The following PDE10A variants were observed in gnomAD, a reference collection of about 807,000 sequenced individuals.
PDE10A encodes the protein cAMP and cAMP-inhibited cGMP 3',5'-cyclic phosphodiesterase 10A.
In PDE10A, 39 loss-of-function variants were observed where a neutral mutation model predicts 97.7. That is an observed-to-expected ratio of 0.40 (90% CI 0.31 to 0.52). The LOEUF is 0.52. Ranked by LOEUF, PDE10A falls within the 20% of genes least tolerant of loss-of-function variation. The pLI is 0.56. For missense variants in PDE10A, 731 were observed against 1,047.8 expected, an observed-to-expected ratio of 0.70 and a Z score of 4.17; for synonymous variants, 371 against 376.8, an observed-to-expected ratio of 0.98 and a Z score of 0.18.
chr6:165,701,741 GTGCATGTGTGTATGTT>G (rs1245075293), intron 1 of PDE10A, among the ~76,000 whole-genome samples: 19 of 152,072 alleles, frequency 1.2e-4, no homozygotes, highest in Admixed American at 2.6e-4. Context: ...GCATGTGTGT[GTGCATGTGTGTATGTT>G]TGCATGTGTG....
At chr6:165,543,858 T>C (rs985101295) in intron 1 of PDE10A, among the ~76,000 whole-genome samples, 1 of 149,314 alleles carries the variant, frequency 6.7e-6, no homozygotes, top group Non-Finnish European at 1.5e-5. Context: ...AAAAACACCA[T>C]TTTTCATATA....
At chr6:165,927,979 G>A (rs1189019808) in intron 1 of PDE10A, among the ~76,000 whole-genome samples, 2 of 150,772 alleles carry the variant, frequency 1.3e-5, no homozygotes, top group Admixed American at 6.6e-5. Flanking sequence ...TTACAGGCGT[G>A]AGCCACCACG....
chr6:165,912,731 C>G (rs992672918), intron 1 of PDE10A, among the ~76,000 whole-genome samples: 1 of 152,052 alleles, frequency 6.6e-6, no homozygotes, highest in Admixed American at 6.5e-5. Flanking sequence ...AAATAAGATG[C>G]CTTTAAATAG....
At chr6:165,527,541 C>T (rs965835903) in intron 2 of PDE10A, among the ~76,000 whole-genome samples, 6 of 152,184 alleles carry the variant, frequency 3.9e-5, no homozygotes, top group African/African-American at 1.4e-4. Flanking sequence ...TGAGAGACAG[C>T]TATTGGCCTG....
At chr6:165,610,964 A>T (rs1439505268) in intron 1 of PDE10A, among the ~76,000 whole-genome samples, 42 of 152,144 alleles carry the variant, frequency 2.8e-4, no homozygotes, top group Non-Finnish European at 7.4e-5. Context: ...TCTACCTTAA[A>T]AGCCTTCCAA....
rs368563780 is a variant in PDE10A at position 165,808,427 on chromosome 6, G to C, written c.-615+179102C>G. ...GCAGGAGGAGTGGTGGCCAGGGAGC[G>C]TGGTGACCTGGGACCAGCCCTAATT... On this transcript the variant is annotated intron_variant, in intron 1 of 19. Transcript: ENST00000366882. Among the ~76,000 whole-genome samples, 104 of 152,320 alleles carry C rather than the reference G, an allele frequency of 6.8e-4. 1 individual carries two copies. In the South Asian group the frequency reaches 0.021, roughly 30 times the overall value.
At chr6:165,586,878 GA>G (rs568867512) in intron 1 of PDE10A, among the ~76,000 whole-genome samples, 20 of 150,662 alleles carry the variant, frequency 1.3e-4, no homozygotes, top group East Asian at 7.7e-4. Flanking sequence ...TATTTGCCTT[GA>G]AAAAAAAATG....
At chr6:165,364,550 A>G (rs1200350858) in intron 18 of PDE10A, among the ~76,000 whole-genome samples, 1 of 152,204 alleles carries the variant, frequency 6.6e-6, no homozygotes, top group Non-Finnish European at 1.5e-5. Flanking sequence ...ATTGATTTCT[A>G]TGCCTGGGGT....
intron 1 of PDE10A, among the ~76,000 whole-genome samples, chr6:165,701,776 C>T (rs779586498): frequency 1.2e-4 from 18 of 147,000 alleles, no homozygotes; most frequent in South Asian, 2.2e-4. Flanking sequence ...TGTATGTTTG[C>T]GTGTGTGTGT....
intron 1 of PDE10A, among the ~76,000 whole-genome samples, chr6:165,690,586 G>T (rs1275149695): frequency 6.6e-6 from 1 of 152,116 alleles, no homozygotes; most frequent in Non-Finnish European, 1.5e-5. Flanking sequence ...CTTGATGATG[G>T]GTTGGTAGGA....
chr6:165,909,480 C>T (rs146423536), intron 1 of PDE10A, among the ~76,000 whole-genome samples: 56 of 152,310 alleles, frequency 3.7e-4, no homozygotes, highest in African/African-American at 1.0e-3. Context: ...CCTGGTTTTA[C>T]GCATATTATG....
chr6:165,782,828 T>G (rs1228056303), intron 1 of PDE10A, among the ~76,000 whole-genome samples: 1 of 152,162 alleles, frequency 6.6e-6, no homozygotes, highest in Non-Finnish European at 1.5e-5. Flanking sequence ...AGCAGGAAAT[T>G]GTACAATCAG....
At chr6:165,508,664 G>A (rs1156940679) in intron 2 of PDE10A, among the ~76,000 whole-genome samples, 1 of 151,892 alleles carries the variant, frequency 6.6e-6, no homozygotes. Flanking sequence ...CGTTTGAAAA[G>A]TCCAGGGCCT....
rs572987701 is a variant in PDE10A, at chr6:165,769,876, C to T, written c.-615+217653G>A. 2.1e-4 allele frequency among the ~76,000 whole-genome samples: 32 copies of T among 152,172 alleles called. No individual in the cohort carries two copies. The South Asian group carries it at 6.2e-3, about 30-fold the overall frequency. On this transcript the variant is annotated intron_variant, in intron 1 of 19. Transcript: ENST00000366882. ...TACAATACAAATAAAATAAATTATA[C>T]AATATAATATCTAAAGACTTGGAAG...
chr6:165,888,254 A>C (rs6929986), intron 1 of PDE10A, among the ~76,000 whole-genome samples: 37,956 of 150,686 alleles, frequency 0.25, 5,608 homozygotes, highest in African/African-American at 0.41. Flanking sequence ...TTACCTTCCA[A>C]TCTTCCATTT....
At chr6:165,737,332 T>C (rs1259432447) in intron 1 of PDE10A, among the ~76,000 whole-genome samples, 1 of 152,152 alleles carries the variant, frequency 6.6e-6, no homozygotes, top group Admixed American at 6.6e-5. Flanking sequence ...ACAAGGATAC[T>C]ACAAGAAAAG....
At chr6:165,542,233 AC>A (rs1192811613) in intron 2 of PDE10A, among the ~76,000 whole-genome samples, 1 of 152,216 alleles carries the variant, frequency 6.6e-6, no homozygotes, top group African/African-American at 2.4e-5. Context: ...CACAATAAAA[AC>A]AATATTCACA....
chr6:165,970,808 G>T (rs912817506), intron 1 of PDE10A, among the ~76,000 whole-genome samples: 1 of 152,108 alleles, frequency 6.6e-6, no homozygotes, highest in African/African-American at 2.4e-5. Context: ...ATTGGAGAAA[G>T]TATTATCAGA....
chr6:165,963,776 G>A (rs985346904), intron 1 of PDE10A, among the ~76,000 whole-genome samples: 44 of 152,266 alleles, frequency 2.9e-4, no homozygotes, highest in Middle Eastern at 3.4e-3. Context: ...CTGCTGGCAC[G>A]TCCTCCTTGA....
Sources: allele counts gnomAD v4.1 joint callset (sites outside exome capture counted in the v4.1 genomes callset), GRCh38; gene constraint gnomAD v4.1.1; transcripts MANE v1.5; gene names NCBI Gene and HGNC (gene_info 2026-07-23, HGNC 2026-07-21).